EYS: variants seen among roughly 807,000 people sequenced by gnomAD.
The protein encoded by EYS is EGF-like photoreceptor maintenance factor, also known as protein eyes shut homolog.
A neutral mutation model predicts 282.1 loss-of-function variants in EYS; 250 were observed. That is an observed-to-expected ratio of 0.89 (90% CI 0.80 to 0.98). The LOEUF is 0.98. Ranked by LOEUF, EYS falls within the 50% of genes least tolerant of loss-of-function variation. The probability of loss-of-function intolerance (pLI) is 0.00; values close to 1 mark genes in which losing one functional copy is unlikely to be tolerated. For synonymous variants in EYS, 1,355 were observed against 1,282.9 expected, an observed-to-expected ratio of 1.06 and a Z score of -1.20; for missense variants, 4,016 against 3,709.0, an observed-to-expected ratio of 1.08 and a Z score of -2.15.
intron 22 of EYS, among the ~76,000 whole-genome samples, chr6:64,708,288 C>T (rs1002668268): frequency 1.3e-5 from 2 of 152,182 alleles, no homozygotes; most frequent in Non-Finnish European, 2.9e-5. Context: ...CAGGGAAACC[C>T]TTAAGACACT....
intron 31 of EYS, among the ~76,000 whole-genome samples, chr6:64,207,015 C>T (rs13193948): frequency 0.26 from 39,499 of 151,876 alleles, 5,624 homozygotes; most frequent in East Asian, 0.44. Flanking sequence ...TGTTGTTCTC[C>T]TCTATGTGTC....
At chr6:65,545,358 G>A (rs1263748022) in intron 2 of EYS, among the ~76,000 whole-genome samples, 1 of 151,956 alleles carries the variant, frequency 6.6e-6, no homozygotes, top group South Asian at 2.1e-4. Flanking sequence ...TTTTAAATTA[G>A]TATTTAGATA....
intron 1 of EYS, among the ~76,000 whole-genome samples, chr6:65,648,358 T>C (rs923925033): frequency 2.9e-5 from 4 of 136,752 alleles, no homozygotes; most frequent in East Asian, 3.5e-4. Context: ...GTGTATACCA[T>C]AGAATACTAC....
intron 24 of EYS, among the ~76,000 whole-genome samples, chr6:64,607,268 G>A (rs1254765386): frequency 1.3e-5 from 2 of 150,988 alleles, no homozygotes; most frequent in Non-Finnish European, 3.0e-5. Context: ...TAAGAACCAT[G>A]TGAAGAAAAG....
chr6:64,029,368 C>T (rs1769703850), intron 33 of EYS, among the ~76,000 whole-genome samples: 1 of 152,150 alleles, frequency 6.6e-6, no homozygotes, highest in Admixed American at 6.5e-5. Context: ...GTGTCAGAGG[C>T]TATTAAAATA....
Position 65,490,615 on chromosome 6 carries a change from C to A in EYS, c.841G>T (p.Glu281Ter). 1.2e-6 allele frequency: 2 copies of A among 1,609,846 alleles called. No individual in the cohort carries two copies. Among genetic ancestry groups the A allele is most frequent in the Non-Finnish European group, 1.7e-6 (2 of 1,176,620 alleles). ...SNITSNSFIC[E>*]CDEQFSGPFC... ...TTACCTGAAAATTGCTCATCACATT[C>A]ACAAATGAAACTATTTGAAGTAATA... Residue 281 changes from glutamate to a stop codon, truncating the protein, a stop_gained, in exon 5 of 43, where the codon GAA becomes TAA. Transcript: ENST00000503581. LOFTEE classifies it high-confidence loss of function.
intron 13 of EYS, among the ~76,000 whole-genome samples, chr6:65,049,470 A>G (rs565354674): frequency 6.6e-6 from 1 of 151,908 alleles, no homozygotes; most frequent in African/African-American, 2.4e-5. Context: ...ACATGCTGGG[A>G]AATAGGTAGT....
At chr6:64,724,955 C>T (rs891270907) in intron 22 of EYS, among the ~76,000 whole-genome samples, 1 of 151,878 alleles carries the variant, frequency 6.6e-6, no homozygotes, top group Admixed American at 6.6e-5. Flanking sequence ...CTAAGAATTT[C>T]AACTCTAGAA....
At chr6:64,118,729 T>TC (rs1472110048) in intron 31 of EYS, among the ~76,000 whole-genome samples, 4 of 151,896 alleles carry the variant, frequency 2.6e-5, no homozygotes, top group African/African-American at 9.6e-5. Flanking sequence ...AAAGGAAAAA[T>TC]CAACAGAATG....
intron 2 of EYS, among the ~76,000 whole-genome samples, chr6:65,592,663 C>T (rs1271406763): frequency 1.3e-5 from 2 of 151,844 alleles, no homozygotes; most frequent in Non-Finnish European, 2.9e-5. Context: ...AAAAAAGGAG[C>T]TTAACTCAAA....
At chr6:64,958,737 A>AAAC (rs1769810160) in intron 14 of EYS, among the ~76,000 whole-genome samples, 2 of 107,192 alleles carry the variant, frequency 1.9e-5, no homozygotes, top group Admixed American at 8.6e-5. Context: ...TCCGTCTCAA[A>AAAC]AAAAAAAAAA....
intron 5 of EYS, among the ~76,000 whole-genome samples, chr6:65,427,318 T>A (rs1767698297): frequency 6.6e-6 from 1 of 152,030 alleles, no homozygotes; most frequent in African/African-American, 2.4e-5. Flanking sequence ...GAAAATTAAT[T>A]GAGATGATGA....
intron 26 of EYS, among the ~76,000 whole-genome samples, chr6:64,511,821 G>T (rs530928338): frequency 1.5e-5 from 2 of 136,648 alleles, no homozygotes; most frequent in South Asian, 4.6e-4. Context: ...TAAATTTTGG[G>T]GGGGGGTGTT....
intron 12 of EYS, among the ~76,000 whole-genome samples, chr6:65,060,653 T>C (rs1773543556): frequency 6.6e-6 from 1 of 151,834 alleles, no homozygotes; most frequent in Admixed American, 6.6e-5. Flanking sequence ...TCATCTCAGG[T>C]ATCCTCTGCC....
intron 31 of EYS, among the ~76,000 whole-genome samples, chr6:64,170,445 C>T (rs1313485496): frequency 6.6e-6 from 1 of 151,956 alleles, no homozygotes; most frequent in African/African-American, 2.4e-5. Context: ...ATCAGCAAGG[C>T]CATACCCCTT....
intron 33 of EYS, among the ~76,000 whole-genome samples, chr6:64,041,234 TTG>T (rs375181899): frequency 6.6e-6 from 1 of 151,658 alleles, no homozygotes; most frequent in African/African-American, 2.4e-5. Flanking sequence ...AGATCTGTAC[TTG>T]TGTGTGTGTG....
intron 35 of EYS, among the ~76,000 whole-genome samples, chr6:63,937,277 A>T (rs2149755223): frequency 6.8e-6 from 1 of 147,876 alleles, no homozygotes; most frequent in African/African-American, 2.5e-5. Context: ...GCAACACCTC[A>T]GATGTGCTAT....
chr6:65,034,382 T>A (rs574894749), intron 13 of EYS, among the ~76,000 whole-genome samples: 1 of 152,242 alleles, frequency 6.6e-6, no homozygotes, highest in South Asian at 2.1e-4. Context: ...TAGAATGATA[T>A]AGCATGGATA....
chr6:63,810,306 C>G (rs976278514), intron 36 of EYS, among the ~76,000 whole-genome samples: 1 of 123,642 alleles, frequency 8.1e-6, no homozygotes, highest in African/African-American at 3.3e-5. Flanking sequence ...CAAAAACAAC[C>G]CCCCCCCCCA....
Sources: gnomAD v4.1 joint callset for allele counts (sites outside exome capture counted in the v4.1 genomes callset) on GRCh38, gnomAD v4.1.1 for gene constraint, MANE v1.5 for transcripts, NCBI Gene and HGNC (gene_info 2026-07-23, HGNC 2026-07-21) for gene names.